RBM28: variants seen among roughly 807,000 people sequenced by gnomAD.
RBM28 encodes RNA-binding protein 28.
A neutral mutation model predicts 98.3 loss-of-function variants in RBM28; 78 were observed. That is an observed-to-expected ratio of 0.79 (90% CI 0.66 to 0.96). The LOEUF (loss-of-function observed/expected upper bound fraction) is 0.96. Among genes scored for constraint, RBM28 ranks in the 40% least tolerant of loss-of-function variants. The pLI is 0.00. For synonymous variants in RBM28, 306 were observed against 330.9 expected, an observed-to-expected ratio of 0.92 and a Z score of 0.82; for missense variants, 838 against 913.0, an observed-to-expected ratio of 0.92 and a Z score of 1.06.
chr7:128,340,488 A>G (rs1431983541), intron 1 of RBM28, among the ~76,000 whole-genome samples: 1 of 152,152 alleles, frequency 6.6e-6, no homozygotes, highest in Non-Finnish European at 1.5e-5. Flanking sequence ...ACAGCCACTA[A>G]ACTTTGGACT....
rs1796468855 is a variant in RBM28 at position 128,330,999 on chromosome 7, G to GTT, written c.1020-72_1020-71insAA. 2.9e-6 allele frequency: 3 copies of GTT among 1,030,032 alleles called. No individual in the cohort carries two copies. In the Admixed American group the frequency reaches 5.2e-5, roughly 18 times the overall value. 63.8% of individuals were successfully genotyped at this position (1,030,032 alleles called of 1,614,324 possible). On this transcript the variant is annotated intron_variant, in intron 9 of 18. Coordinates refer to ENST00000223073, the MANE Select transcript of RBM28 (RefSeq NM_018077.3). ...GTGAGATCCTATGTTCCAGGACAAT[G>GTT]TAAGTGAGTTAGATATCAACTCTCC... is the stretch of plus-strand genomic sequence containing the variant.
intron 1 of RBM28, 131 bp downstream of exon 1, chr7:128,343,545 T>C: frequency 1.6e-6 from 1 of 637,706 alleles, no homozygotes. Flanking sequence ...CAGAATCAGT[T>C]TGGAAAAGAA....
At chr7:128,324,864 A>C (rs1398938519) in intron 11 of RBM28, among the ~76,000 whole-genome samples, 170 bp from the exon 12 acceptor site, 5 of 152,038 alleles carry the variant, frequency 3.3e-5, no homozygotes, top group African/African-American at 1.2e-4. Flanking sequence ...AAATACAAAA[A>C]TTAGCCGGGC....
At chr7:128,330,183 A>G (rs1796447320) in intron 10 of RBM28, among the ~76,000 whole-genome samples, 1 of 152,114 alleles carries the variant, frequency 6.6e-6, no homozygotes, top group Non-Finnish European at 1.5e-5. Flanking sequence ...GATCCTGGTA[A>G]TTTCAAGCAA....
intron 14 of RBM28, among the ~76,000 whole-genome samples, chr7:128,319,133 T>C (rs1292541180): frequency 2.0e-5 from 3 of 152,190 alleles, no homozygotes. Context: ...TCTCATGTAA[T>C]GGAAACAGCT....
At chr7:128,321,930 C>A (rs1031249658) in intron 13 of RBM28, among the ~76,000 whole-genome samples, 1 of 152,092 alleles carries the variant, frequency 6.6e-6, no homozygotes, top group Non-Finnish European at 1.5e-5. Context: ...TGCCTGTAAT[C>A]CCAGCTACTC....
At chr7:128,339,420 C>A in intron 2 of RBM28, 99 bp from the exon 3 acceptor site, 1 of 1,199,546 alleles carries the variant, frequency 8.3e-7, no homozygotes, top group Non-Finnish European at 1.2e-6. Flanking sequence ...ATGGCATTTA[C>A]CACAGGGTTA....
intron 6 of RBM28, among the ~76,000 whole-genome samples, chr7:128,336,371 G>T (rs1796601293): frequency 6.6e-6 from 1 of 152,292 alleles, no homozygotes; most frequent in East Asian, 1.9e-4. Flanking sequence ...TCACTAGGGG[G>T]CAAAGCCAAG....
chr7:128,315,531 G>A (rs1482969145), intron 16 of RBM28, among the ~76,000 whole-genome samples: 2 of 151,962 alleles, frequency 1.3e-5, no homozygotes, highest in East Asian at 3.9e-4. Flanking sequence ...AGCCAGACAG[G>A]GGAAAAATTT....
chr7:128,312,373 A>G (rs1429568241), intron 18 of RBM28, among the ~76,000 whole-genome samples: 1 of 152,206 alleles, frequency 6.6e-6, no homozygotes, highest in East Asian at 1.9e-4. Context: ...ACTCCAGCCT[A>G]GGCAACAAGA....
At position 128,310,549 on chromosome 7, in the gene RBM28, A is replaced by G. The variant is rs1795958004; in HGVS notation, c.*248T>C. The G allele has an allele frequency of 1.9e-6, 1 of 536,084 alleles. No homozygotes were observed. Among genetic ancestry groups the G allele is most frequent in the South Asian group, 2.4e-5 (1 of 41,188 alleles). 33.2% of individuals were successfully genotyped at this position (536,084 alleles called of 1,614,324 possible). A position where few individuals can be genotyped will look rare whatever the true frequency, so the allele number is the denominator to read the frequency against. ...GTAATAATTATAGACACAACTTCAT[A>G]CAATAATCTGGATAATATGCAAGAA... On this transcript the variant is annotated 3_prime_UTR_variant, in exon 19 of 19. Coordinates refer to ENST00000223073, the MANE Select transcript of RBM28 (RefSeq NM_018077.3).
rs1269937763 is a variant in RBM28, at chr7:128,300,944, T to G, written c.*9853A>C. 1.3e-5 allele frequency: 2 copies of G among 152,424 alleles called. No homozygotes were observed. Among genetic ancestry groups the G allele is most frequent in the East Asian group, 3.8e-4 (2 of 5,198 alleles). 9.4% of individuals were successfully genotyped at this position (152,424 alleles called of 1,614,324 possible). On this transcript the variant is annotated 3_prime_UTR_variant, in exon 19 of 19. Coordinates refer to ENST00000223073, the MANE Select transcript of RBM28 (RefSeq NM_018077.3). ...GGACACACTCTCCTTCTGCCTGCAGTTGTGAGGAAAGAAGGGGCACTGAGG... is the reference window on the plus strand; with the variant it reads ...GGACACACTCTCCTTCTGCCTGCAGGTGTGAGGAAAGAAGGGGCACTGAGG...
chr7:128,316,953 A>G (rs1290258278), intron 16 of RBM28, among the ~76,000 whole-genome samples: 1 of 152,210 alleles, frequency 6.6e-6, no homozygotes, highest in Non-Finnish European at 1.5e-5. Context: ...TTGCTGTGCA[A>G]TATCAATGAG....
intron 10 of RBM28, among the ~76,000 whole-genome samples, chr7:128,329,679 T>C (rs531397008): frequency 6.6e-6 from 1 of 151,488 alleles, no homozygotes; most frequent in South Asian, 2.1e-4. Flanking sequence ...AGGTCAGGAG[T>C]TGGAGACCAT....
chr7:128,343,476 T>C (rs1009536009), intron 1 of RBM28, among the ~76,000 whole-genome samples, 200 bp downstream of exon 1: 4 of 152,234 alleles, frequency 2.6e-5, no homozygotes, highest in African/African-American at 7.2e-5. Flanking sequence ...GAAAGCGCTA[T>C]AGAAACGTAA....
chr7:128,339,880 A>C, intron 1 of RBM28, 89 bp from the exon 2 acceptor site: 2 of 1,432,544 alleles, frequency 1.4e-6, no homozygotes, highest in African/African-American at 2.8e-5. Context: ...GTAAATCCTC[A>C]AAGCCTAAGC....
chr7:128,309,253 T>C lies in RBM28; in HGVS notation c.*1544A>G, dbSNP rs1795928505. On this transcript the variant is annotated 3_prime_UTR_variant, in exon 19 of 19. Coordinates refer to ENST00000223073, the MANE Select transcript of RBM28 (RefSeq NM_018077.3). ...AAAGTCCCTCTCACAAAGCATACAT[T>C]CTAACTGGAGAGACAAACAATTTCA... 1 of 152,206 alleles carries C rather than the reference T, an allele frequency of 6.6e-6. No homozygotes were observed. Among genetic ancestry groups the C allele is most frequent in the Non-Finnish European group, 1.5e-5 (1 of 68,076 alleles). 9.4% of individuals were successfully genotyped at this position (152,206 alleles called of 1,614,324 possible).
At chr7:128,341,027 G>T in intron 1 of RBM28, 1 of 635,070 alleles carries the variant, frequency 1.6e-6, no homozygotes, top group Non-Finnish European at 2.4e-6. Context: ...ACCCACCTTT[G>T]CCCTTTTTGG....
At chr7:128,318,152 AC>A (rs1226615533) in intron 14 of RBM28, 46 bp from the exon 15 acceptor site, 1 of 1,548,904 alleles carries the variant, frequency 6.5e-7, no homozygotes, top group Admixed American at 1.7e-5. Flanking sequence ...GAATGAGAAG[AC>A]TTGCCTGACA....
Sources: gnomAD v4.1 joint callset for allele counts (sites outside exome capture counted in the v4.1 genomes callset) on GRCh38, gnomAD v4.1.1 for gene constraint, MANE v1.5 for transcripts, NCBI Gene and HGNC (gene_info 2026-07-23, HGNC 2026-07-21) for gene names.